Variants in ABI2 observed in about 807,000 individuals in gnomAD.
ABI2 encodes the protein abl interactor 2.
ABI2 carries 25 observed loss-of-function variants against 59.2 expected under a neutral mutation model. That is an observed-to-expected ratio of 0.42 (90% CI 0.31 to 0.59). The LOEUF is 0.59. Among genes scored for constraint, ABI2 ranks in the 20% least tolerant of loss-of-function variants. The probability of loss-of-function intolerance (pLI) is 0.14; values close to 1 mark genes in which losing one functional copy is unlikely to be tolerated. For missense variants in ABI2, 545 were observed against 681.8 expected (o/e 0.80, Z 2.23); for synonymous variants, 213 against 235.5 (o/e 0.90, Z 0.87).
At chr2:203,426,924 CACATTTGATT>C (rs1559404667) in intron 11 of ABI2, among the ~76,000 whole-genome samples, 3 of 151,766 alleles carry the variant, frequency 2.0e-5, no homozygotes, top group Non-Finnish European at 4.4e-5. Flanking sequence ...TCATCAAAAG[CACATTTGATT>C]AAATGTGCTT....
intron 2 of ABI2, among the ~76,000 whole-genome samples, chr2:203,376,733 C>CTTTTTTTTTTT (rs370295013): frequency 1.7e-5 from 2 of 114,900 alleles, no homozygotes; most frequent in Non-Finnish European, 1.8e-5. Context: ...TTGGTCTTCC[C>CTTTTTTTTTTT]TTTTTTTTTT....
In ABI2 at chr2:203,427,558, C is replaced by T; in HGVS notation, c.*206C>T. The T allele has an allele frequency of 2.0e-6, 1 of 491,694 alleles. No individual in the cohort carries two copies. Among genetic ancestry groups the T allele is most frequent in the East Asian group, 3.1e-5 (1 of 32,566 alleles). The allele number at this position is 491,694 out of a possible 1,614,324, so 30.5% of individuals were successfully genotyped here. A position where few individuals can be genotyped will look rare whatever the true frequency, so the allele number is the denominator to read the frequency against. On this transcript the variant is annotated 3_prime_UTR_variant, in exon 12 of 12. Transcript: ENST00000261018. ...TCTTTCTGCCATCATTTGTACAATG[C>T]TGAGCTGTCTGGATTGAAATAAAAT... is the stretch of plus-strand genomic sequence containing the variant.
chr2:203,331,104 TTCTC>T (rs1472371676), intron 1 of ABI2, among the ~76,000 whole-genome samples: 3 of 152,170 alleles, frequency 2.0e-5, no homozygotes, highest in African/African-American at 7.2e-5. Flanking sequence ...ATTTTACACT[TTCTC>T]TTTTTTGATT....
At chr2:203,420,463 G>T (rs1161620331) in intron 11 of ABI2, among the ~76,000 whole-genome samples, 3 of 150,048 alleles carry the variant, frequency 2.0e-5, no homozygotes, top group Non-Finnish European at 3.0e-5. Flanking sequence ...GCACGGTCTT[G>T]GCTCACTGCA....
chr2:203,341,691 C>T (rs1396494528), intron 1 of ABI2, among the ~76,000 whole-genome samples: 2 of 152,026 alleles, frequency 1.3e-5, no homozygotes, highest in African/African-American at 4.8e-5. Context: ...GCCTGGGCAA[C>T]AGAGCGAGAC....
chr2:203,374,304 A>G (rs376725319), intron 2 of ABI2, among the ~76,000 whole-genome samples: 3 of 152,142 alleles, frequency 2.0e-5, no homozygotes, highest in African/African-American at 7.2e-5. Context: ...GTTTGAGACC[A>G]GCCTGGCCAA....
Position 203,370,451 on chromosome 2 carries a change from G to A in ABI2, c.285+3407G>A, listed in dbSNP as rs182767916. The stretch of plus-strand genomic sequence containing the variant: ...CAGATTTGAGAGACAGTTTAATTAC[G>A]TTTTCTTTTCTTTTTTGTGTGTGTA... On this transcript the variant is annotated intron_variant, in intron 2 of 11. Transcript: ENST00000261018. 2.2e-3 allele frequency among the ~76,000 whole-genome samples: 336 copies of A among 151,904 alleles called. 1 individual carries two copies. The highest frequency in any genetic ancestry group is 6.8e-3 in the Middle Eastern group (2 of 292).
chr2:203,373,356 G>A (rs549666408), intron 2 of ABI2, among the ~76,000 whole-genome samples: 83 of 152,296 alleles, frequency 5.4e-4, no homozygotes, highest in African/African-American at 1.7e-3. Context: ...GCAGGCACTC[G>A]GCAGGCTGAG....
intron 9 of ABI2, among the ~76,000 whole-genome samples, chr2:203,409,565 G>A (rs187410429): frequency 6.6e-6 from 1 of 152,184 alleles, no homozygotes; most frequent in Admixed American, 6.5e-5. Context: ...TCATAGTTAC[G>A]AAGGGTAAAA....
At chr2:203,366,386 T>C (rs963300123) in intron 1 of ABI2, among the ~76,000 whole-genome samples, 7 of 152,138 alleles carry the variant, frequency 4.6e-5, no homozygotes, top group African/African-American at 1.7e-4. Context: ...TATCATATTA[T>C]TTATAATTTT....
chr2:203,411,161 C>T (rs2097658356), intron 9 of ABI2, 124 bp from the exon 10 acceptor site: 1 of 785,234 alleles, frequency 1.3e-6, no homozygotes, highest in African/African-American at 1.7e-5. Context: ...TCCTTGAGAT[C>T]ACTGATAAAA....
chr2:203,391,076 C>T lies in ABI2; in HGVS notation c.511C>T (p.Leu171=), dbSNP rs770708704. The stretch of plus-strand genomic sequence containing the variant: ...TACCCAGAACATGAAGATGGGTGGG[C>T]TGCCGCGTACAACACCTCCAACTCA... ...VSTQNMKMGG[L]PRTTPPTQKP... Residue 171 remains leucine, a synonymous_variant, in exon 5 of 12, where the codon CTG becomes TTG. Transcript: ENST00000261018. The T allele has an allele frequency of 1.2e-6, 2 of 1,613,930 alleles. No individual in the cohort carries two copies. The highest frequency in any genetic ancestry group is 2.2e-5 in the South Asian group (2 of 91,028).
chr2:203,426,237 G>A (rs541518170), intron 11 of ABI2, among the ~76,000 whole-genome samples: 6 of 152,246 alleles, frequency 3.9e-5, no homozygotes, highest in African/African-American at 1.4e-4. Context: ...TGTTTGTCTT[G>A]GAACAATGGA....
intron 1 of ABI2, among the ~76,000 whole-genome samples, chr2:203,343,384 G>A (rs2081224236): frequency 6.6e-6 from 1 of 152,252 alleles, no homozygotes; most frequent in South Asian, 2.1e-4. Context: ...AAAATTTAAT[G>A]TTAGCAGGTT....
chr2:203,386,409 G>C (rs1372868017), intron 4 of ABI2: 1 of 154,154 alleles, frequency 6.5e-6, no homozygotes, highest in Non-Finnish European at 1.4e-5. Context: ...TCAAGTAGCG[G>C]GACTACAGCC....
chr2:203,360,046 G>A (rs567594855), intron 1 of ABI2, among the ~76,000 whole-genome samples: 7 of 151,892 alleles, frequency 4.6e-5, no homozygotes, highest in South Asian at 2.1e-4. Context: ...TTAGCTGGGC[G>A]TGGTGGTGCA....
intron 2 of ABI2, among the ~76,000 whole-genome samples, chr2:203,374,645 A>G (rs2095558857): frequency 6.6e-6 from 1 of 152,224 alleles, no homozygotes; most frequent in Non-Finnish European, 1.5e-5. Flanking sequence ...TTATATAAAA[A>G]AACTGAAAAT....
At chr2:203,387,500 G>A (rs189433193) in intron 4 of ABI2, among the ~76,000 whole-genome samples, 2 of 152,286 alleles carry the variant, frequency 1.3e-5, no homozygotes, top group African/African-American at 4.8e-5. Flanking sequence ...CTGTGGCCAT[G>A]CATTAACCTT....
chr2:203,345,683 A>T (rs534544240), intron 1 of ABI2, among the ~76,000 whole-genome samples: 34 of 151,898 alleles, frequency 2.2e-4, no homozygotes, highest in Admixed American at 4.6e-4. Flanking sequence ...AGCTGGGATT[A>T]CAGGCCTGAG....
Sources: allele counts gnomAD v4.1 joint callset (sites outside exome capture counted in the v4.1 genomes callset), GRCh38; gene constraint gnomAD v4.1.1; transcripts MANE v1.5; gene names NCBI Gene and HGNC (gene_info 2026-07-23, HGNC 2026-07-21).